Variants in PRKCD observed in about 807,000 individuals in gnomAD.
PRKCD encodes protein kinase C delta type.
Under a neutral mutation model 82.2 loss-of-function variants are expected in PRKCD, and 20 were observed. That is an observed-to-expected ratio of 0.24 (90% CI 0.17 to 0.35). The LOEUF is 0.35. Ranked by LOEUF, PRKCD falls within the 10% of genes least tolerant of loss-of-function variation. The pLI, the probability that PRKCD is intolerant of heterozygous loss-of-function variation, is 1.00. For synonymous variants in PRKCD, 317 were observed against 337.0 expected, an observed-to-expected ratio of 0.94 and a Z score of 0.65; for missense variants, 607 against 899.0, an observed-to-expected ratio of 0.68 and a Z score of 4.15.
chr3:53,187,482 A>T, intron 15 of PRKCD, 80 bp downstream of exon 15: 1 of 1,496,696 alleles, frequency 6.7e-7, no homozygotes, highest in Admixed American at 1.8e-5. Flanking sequence ...TCCAAGCAGG[A>T]TCCCCCCAAC....
rs1553668280 is a variant in PRKCD, at chr3:53,183,571, A to G, written c.777A>G (p.Leu259=). 3 of 1,614,140 alleles carry G rather than the reference A, an allele frequency of 1.9e-6. No individual in the cohort carries two copies. The highest frequency in any genetic ancestry group is 1.1e-5 in the South Asian group (1 of 91,078). Residue 259 remains leucine (L), a synonymous_variant, in exon 9 of 19, where the codon TTA becomes TTG. Transcript: ENST00000330452. The part of the protein sequence containing the change: ...SLLWGLVKQG[L]KCEDCGMNVH... ...TCTGGGGACTGGTGAAGCAGGGATT[A>G]AAGTGTGAAGGTGCGTGCCACCCCG... is the stretch of plus-strand genomic sequence containing the variant.
intron 2 of PRKCD, among the ~76,000 whole-genome samples, chr3:53,166,608 C>T (rs542473319): frequency 3.3e-5 from 5 of 152,330 alleles, no homozygotes; most frequent in Admixed American, 1.3e-4. Context: ...TCCCAGTTAC[C>T]GTTGGCATCC....
intron 7 of PRKCD, chr3:53,181,990 A>G (rs1232083093): frequency 4.5e-6 from 3 of 659,754 alleles, no homozygotes; most frequent in Non-Finnish European, 8.4e-6. Context: ...ACAGTAGAGT[A>G]TTCACGCAGA....
Position 53,192,160 on chromosome 3 carries a change from C to T in PRKCD, c.1925C>T (p.Ala642Val), listed in dbSNP as rs1553671049. 3.1e-6 allele frequency: 5 copies of T among 1,613,920 alleles called. No homozygotes were observed. Among genetic ancestry groups the T allele is most frequent in the South Asian group, 1.1e-5 (1 of 91,078 alleles). The change falls in exon 19 of 19, where the codon GCG becomes GTG. Residue 642 changes from alanine to valine, a missense_variant. Around this residue, in one of 5 missense-constraint regions of PRKCD, gnomAD observed 251 missense variants for 423.9 expected, o/e 0.59. Transcript: ENST00000330452. Reference protein sequence around the residue: ...NFDQEFLNEKARLSYSDKNLI... With the variant: ...NFDQEFLNEKVRLSYSDKNLI... ...GACCAGGAGTTCCTGAACGAGAAGGCGCGCCTCTCCTACAGCGACAAGAAC... is the reference window on the plus strand; with the variant it reads ...GACCAGGAGTTCCTGAACGAGAAGGTGCGCCTCTCCTACAGCGACAAGAAC...
chr3:53,181,761 G>A (rs377370690), intron 7 of PRKCD, 29 bp downstream of exon 7: 47 of 1,614,046 alleles, frequency 2.9e-5, no homozygotes, highest in South Asian at 6.6e-5. Context: ...CAGTTTGTAC[G>A]TATGTACCCA....
chr3:53,179,497 G>T, intron 3 of PRKCD, 80 bp from the exon 4 acceptor site: 2 of 1,574,368 alleles, frequency 1.3e-6, no homozygotes, highest in Non-Finnish European at 1.7e-6. Flanking sequence ...GGCAGATTCT[G>T]CCAGGGGAAG....
chr3:53,164,277 A>C (rs1324955622), intron 1 of PRKCD, among the ~76,000 whole-genome samples: 6 of 152,194 alleles, frequency 3.9e-5, no homozygotes, highest in African/African-American at 1.2e-4. Flanking sequence ...TGTAAGGCAC[A>C]AGAGATTAAA....
intron 2 of PRKCD, among the ~76,000 whole-genome samples, chr3:53,165,501 C>T (rs575526194): frequency 1.2e-4 from 18 of 152,334 alleles, no homozygotes; most frequent in East Asian, 3.9e-4. Context: ...AAAGTAGTAA[C>T]GCTTTTTTGG....
chr3:53,167,597 C>T (rs73091417), intron 2 of PRKCD, among the ~76,000 whole-genome samples: 17,347 of 152,192 alleles, frequency 0.11, 1,292 homozygotes, highest in Non-Finnish European at 0.17. Context: ...TGAGGTTGTG[C>T]GGAAATGACA....
intron 9 of PRKCD, among the ~76,000 whole-genome samples, chr3:53,184,140 G>C (rs886998146): frequency 1.3e-5 from 2 of 151,620 alleles, no homozygotes; most frequent in African/African-American, 2.4e-5. Flanking sequence ...AGACCATCCT[G>C]GCTAACATGG....
intron 14 of PRKCD, 40 bp downstream of exon 14, chr3:53,186,735 G>T: frequency 1.9e-6 from 3 of 1,541,442 alleles, no homozygotes; most frequent in Non-Finnish European, 2.7e-6. Flanking sequence ...CAGTGTGGAG[G>T]AAGGGCTACT....
At chr3:53,168,200 G>A (rs1447741963) in intron 2 of PRKCD, among the ~76,000 whole-genome samples, 2 of 152,228 alleles carry the variant, frequency 1.3e-5, no homozygotes, top group Admixed American at 1.3e-4. Flanking sequence ...GTGGGCTGGG[G>A]CAGGGAGTGG....
chr3:53,182,345 T>C (rs1019892009), intron 7 of PRKCD, among the ~76,000 whole-genome samples: 13 of 152,178 alleles, frequency 8.5e-5, no homozygotes, highest in African/African-American at 2.9e-4. Flanking sequence ...CTCAGCTCAC[T>C]GTAACCTCCC....
chr3:53,184,108 G>A (rs4687707), intron 9 of PRKCD, among the ~76,000 whole-genome samples: 141,586 of 150,260 alleles, frequency 0.94, 67,165 homozygotes, highest in Non-Finnish European at 1. Flanking sequence ...CGAGGCGGGC[G>A]GATCATGAGG....
At position 53,189,149 on chromosome 3, in the gene PRKCD, A is replaced by G. The variant is rs781894186; in HGVS notation, c.1646A>G (p.His549Arg). The change falls in exon 17 of 19, where the codon CAT becomes CGT. Residue 549 changes from histidine to arginine, a missense_variant. Physicochemically the swap from His to Arg is conservative, Grantham distance 29 (BLOSUM62 0). This residue lies in a region of PRKCD where 251 missense variants were observed against 423.9 expected (regional missense o/e 0.59). Transcript: ENST00000330452. ...ATGCTCATTGGCCAGTCCCCCTTCCATGGTGATGATGAGGATGAACTCTTC... is the reference window on the plus strand; with the variant it reads ...ATGCTCATTGGCCAGTCCCCCTTCCGTGGTGATGATGAGGATGAACTCTTC... ...YEMLIGQSPFHGDDEDELFES... is the reference protein window; with the variant it reads ...YEMLIGQSPFRGDDEDELFES... 4.3e-6 allele frequency: 7 copies of G among 1,614,104 alleles called. No homozygotes were observed. Among genetic ancestry groups the G allele is most frequent in the East Asian group, 2.2e-5 (1 of 44,876 alleles).
chr3:53,186,584 C>T lies in PRKCD; in HGVS notation c.1261-20C>T. The T allele has an allele frequency of 6.2e-7, 1 of 1,600,126 alleles. No individual in the cohort carries two copies. Among genetic ancestry groups the T allele is most frequent in the Non-Finnish European group, 8.5e-7 (1 of 1,170,474 alleles). On this transcript the variant is annotated intron_variant, in intron 13 of 18. Transcript: ENST00000330452. Reference sequence around the variant, plus strand: ...CTCCTGCCTATTCCTCACCCCTGCTCACCACCCTTCCCACCCCAGGACCAC... The same window carrying T: ...CTCCTGCCTATTCCTCACCCCTGCTTACCACCCTTCCCACCCCAGGACCAC...
Position 53,167,532 on chromosome 3 carries a change from G to A in PRKCD, c.-20+2317G>A, listed in dbSNP as rs536378253. On this transcript the variant is annotated intron_variant, in intron 2 of 18. Coordinates refer to ENST00000330452, the MANE Select transcript of PRKCD (RefSeq NM_006254.4). Reference sequence around the variant, plus strand: ...ATGAACCTGGGCAAGTGGCTCTGCCGCTCAGTGCCTCAGTCTCCCCCTGAC... The same window carrying A: ...ATGAACCTGGGCAAGTGGCTCTGCCACTCAGTGCCTCAGTCTCCCCCTGAC... 1.1e-3 allele frequency among the ~76,000 whole-genome samples: 170 copies of A among 152,340 alleles called. 1 individual carries two copies. Among genetic ancestry groups the A allele is most frequent in the African/African-American group, 3.9e-3 (163 of 41,576 alleles).
At chr3:53,174,202 CCTT>C (rs1478126233) in intron 2 of PRKCD, among the ~76,000 whole-genome samples, 2 of 152,244 alleles carry the variant, frequency 1.3e-5, no homozygotes, top group African/African-American at 4.8e-5. Flanking sequence ...AAAGGACTGT[CCTT>C]CTTGTAAGTG....
intron 2 of PRKCD, among the ~76,000 whole-genome samples, chr3:53,165,814 T>C (rs1479633127): frequency 6.6e-6 from 1 of 152,210 alleles, no homozygotes. Flanking sequence ...TCTGGAACAA[T>C]GCTGGGAAGG....
Sources: gnomAD v4.1 joint callset for allele counts (sites outside exome capture counted in the v4.1 genomes callset) on GRCh38, gnomAD v4.1.1 for gene constraint, gnomAD v4.1.1 regional missense constraint, MANE v1.5 for transcripts, NCBI Gene and HGNC (gene_info 2026-07-23, HGNC 2026-07-21) for gene names.